CELF2: variants seen among roughly 807,000 people sequenced by gnomAD.
CELF2 encodes the protein CUG triplet repeat RNA-binding protein 2.
A neutral mutation model predicts 62.6 loss-of-function variants in CELF2; 8 were observed. The observed-to-expected ratio is 0.13, with a 90% CI of 0.07 to 0.23. The LOEUF (loss-of-function observed/expected upper bound fraction) is 0.23, where lower values mean the gene tolerates loss of function less well. Among genes scored for constraint, CELF2 ranks in the 10% least tolerant of loss-of-function variants. The pLI is 1.00. For missense variants in CELF2, 333 were observed against 671.0 expected (o/e 0.50, Z 5.56); for synonymous variants, 258 against 250.0 (o/e 1.03, Z -0.30).
chr10:11,189,996 C>G (rs609854), intron 2 of CELF2, among the ~76,000 whole-genome samples: 77,115 of 152,064 alleles, frequency 0.51, 21,152 homozygotes, highest in East Asian at 0.84. Flanking sequence ...TTGACAGCTT[C>G]TCTTTGTTCA....
At chr10:10,504,191 G>A in the CELF2 span, among the ~76,000 whole-genome samples, 1 of 152,010 alleles carries the variant, frequency 6.6e-6, no homozygotes, top group African/African-American at 2.4e-5. Context: ...CTGATGTCCT[G>A]ATGCTTATTC....
the CELF2 span, among the ~76,000 whole-genome samples, chr10:10,712,259 T>C: frequency 5.3e-3 from 793 of 148,658 alleles, 9 homozygotes; most frequent in African/African-American, 0.019. Flanking sequence ...CCCACGTCCA[T>C]CCATCAGAGA....
rs992130589 is a variant in CELF2, at chr10:10,891,877, G to A, written c.54-28087G>A. On this transcript the variant is annotated intron_variant, in intron 1 of 13. Transcript: ENST00000636488. ...TTGTTAAATTGGGCTGTCAATCCTC[G>A]CAGGATCATTGGGAGGAGCAAATAG... Among the ~76,000 whole-genome samples the A allele has an allele frequency of 3.9e-5, 6 of 152,120 alleles. No homozygotes were observed. The East Asian group carries it at 7.7e-4, about 20-fold the overall frequency.
intron 9 of CELF2, among the ~76,000 whole-genome samples, chr10:11,291,943 C>T (rs971873068): frequency 6.6e-6 from 1 of 152,148 alleles, no homozygotes; most frequent in African/African-American, 2.4e-5. Flanking sequence ...CATTCACGTA[C>T]CATGTTATTC....
chr10:10,592,991 A>T, the CELF2 span, among the ~76,000 whole-genome samples: 3 of 152,216 alleles, frequency 2.0e-5, no homozygotes, highest in African/African-American at 7.2e-5. Context: ...GACAAAATAT[A>T]AACCAAGTAG....
the CELF2 span, among the ~76,000 whole-genome samples, chr10:10,566,009 T>C: frequency 2.6e-5 from 4 of 152,196 alleles, no homozygotes; most frequent in African/African-American, 9.6e-5. Flanking sequence ...AGAAGCTATA[T>C]AAAACAGAAC....
chr10:11,057,966 A>T (rs906567450), intron 1 of CELF2, among the ~76,000 whole-genome samples: 8 of 150,872 alleles, frequency 5.3e-5, no homozygotes, highest in African/African-American at 1.9e-4. Context: ...CTTCCTCTTA[A>T]TTTTTTTTTA....
chr10:10,586,720 C>G, the CELF2 span, among the ~76,000 whole-genome samples: 316 of 152,146 alleles, frequency 2.1e-3, 1 homozygote, highest in Non-Finnish European at 3.5e-3. Context: ...GGGTTCCTAA[C>G]CTGAATATAC....
At chr10:10,772,322 C>T in the CELF2 span, among the ~76,000 whole-genome samples, 5 of 152,166 alleles carry the variant, frequency 3.3e-5, no homozygotes, top group Admixed American at 2.6e-4. Flanking sequence ...TTTGAGCTCT[C>T]TAAGCCTAGT....
intron 2 of CELF2, among the ~76,000 whole-genome samples, chr10:11,203,176 A>G (rs866985001): frequency 1.4e-4 from 21 of 152,184 alleles, no homozygotes; most frequent in African/African-American, 4.1e-4. Flanking sequence ...TGCATGCAGC[A>G]TGGGAACAAT....
intron 3 of CELF2, among the ~76,000 whole-genome samples, chr10:11,221,383 A>G (rs1447604178): frequency 6.6e-6 from 1 of 152,156 alleles, no homozygotes; most frequent in Non-Finnish European, 1.5e-5. Flanking sequence ...TTTGTTTTTT[A>G]TTGAGCTAAT....
the CELF2 span, among the ~76,000 whole-genome samples, chr10:10,632,749 A>G: frequency 6.6e-6 from 1 of 152,216 alleles, no homozygotes; most frequent in Non-Finnish European, 1.5e-5. Flanking sequence ...CAGAAGGTAG[A>G]AAGGTAGGTC....
the CELF2 span, among the ~76,000 whole-genome samples, chr10:10,469,835 T>C: frequency 6.6e-6 from 1 of 151,844 alleles, no homozygotes; most frequent in Non-Finnish European, 1.5e-5. Flanking sequence ...AGATACAGGG[T>C]TAATTAAATT....
intron 1 of CELF2, among the ~76,000 whole-genome samples, chr10:11,124,857 T>A (rs1213845427): frequency 6.6e-6 from 1 of 152,222 alleles, no homozygotes. Context: ...TATTTCACTT[T>A]GATTCACATA....
chr10:10,499,367 C>T, the CELF2 span, among the ~76,000 whole-genome samples: 1 of 152,098 alleles, frequency 6.6e-6, no homozygotes, highest in African/African-American at 2.4e-5. Context: ...GCCATTCTAC[C>T]AACAGAAGAC....
intron 1 of CELF2, among the ~76,000 whole-genome samples, chr10:11,082,618 C>T (rs1006021484): frequency 6.6e-6 from 1 of 152,234 alleles, no homozygotes; most frequent in African/African-American, 2.4e-5. Context: ...CTTAGATGAG[C>T]TCTGAGATCC....
intron 1 of CELF2, among the ~76,000 whole-genome samples, chr10:11,070,480 A>C (rs1193556595): frequency 6.6e-6 from 1 of 152,166 alleles, no homozygotes; most frequent in Non-Finnish European, 1.5e-5. Flanking sequence ...ATGGCATTTG[A>C]GGTGATTTTG....
chr10:10,858,916 A>G (rs2059905171), intron 1 of CELF2, among the ~76,000 whole-genome samples: 2 of 152,202 alleles, frequency 1.3e-5, no homozygotes, highest in South Asian at 4.1e-4. Flanking sequence ...CTATGTACGC[A>G]GGTATAAATT....
intron 9 of CELF2, among the ~76,000 whole-genome samples, chr10:11,298,916 A>C (rs75241404): frequency 5.8e-4 from 89 of 152,310 alleles, no homozygotes; most frequent in Admixed American, 1.4e-3. Flanking sequence ...TTAAAACTAG[A>C]ATAAGGTCCA....
Sources: gnomAD v4.1 joint callset for allele counts (sites outside exome capture counted in the v4.1 genomes callset) on GRCh38, gnomAD v4.1.1 for gene constraint, MANE v1.5 for transcripts, NCBI Gene and HGNC (gene_info 2026-07-23, HGNC 2026-07-21) for gene names.